PTPN2: variants seen among roughly 807,000 people sequenced by gnomAD.
PTPN2 encodes tyrosine-protein phosphatase non-receptor type 2.
Under a neutral mutation model 57.3 loss-of-function variants are expected in PTPN2, and 19 were observed. That is an observed-to-expected ratio of 0.33 (90% CI 0.23 to 0.49). The LOEUF (loss-of-function observed/expected upper bound fraction) is 0.49. Among genes scored for constraint, PTPN2 ranks in the 20% least tolerant of loss-of-function variants. The probability of loss-of-function intolerance (pLI) is 0.99; values close to 1 mark genes in which losing one functional copy is unlikely to be tolerated. For missense variants in PTPN2, 358 were observed against 501.1 expected (o/e 0.71, Z 2.73); for synonymous variants, 153 against 164.9 (o/e 0.93, Z 0.55).
At position 12,870,284 on chromosome 18, in the gene PTPN2, C is replaced by CATATATATATGTGTGTAT. The variant is rs1167445111; in HGVS notation, c.70-11031_70-11030insATACACACATATATATAT. Among the ~76,000 whole-genome samples the CATATATATATGTGTGTAT allele has an allele frequency of 1.9e-3, 119 of 63,598 alleles. 5 individuals carry two copies. Among genetic ancestry groups the CATATATATATGTGTGTAT allele is most frequent in the Non-Finnish European group, 2.6e-3 (101 of 39,306 alleles). 41.7% of individuals were successfully genotyped at this position (63,598 alleles called of 152,430 possible). ...ATATATATATATATGTATATATATA[C>CATATATATATGTGTGTAT]ATATACATATATATGTGTATATATA... is the stretch of plus-strand genomic sequence containing the variant. On this transcript the variant is annotated intron_variant, in intron 1 of 8. Coordinates refer to ENST00000309660, the MANE Select transcript of PTPN2 (RefSeq NM_002828.4).
chr18:12,866,880 C>T (rs921398918), intron 1 of PTPN2, among the ~76,000 whole-genome samples: 3 of 152,066 alleles, frequency 2.0e-5, no homozygotes, highest in South Asian at 4.2e-4. Flanking sequence ...TGGTGGGCAC[C>T]TGTAGTCCCA....
At chr18:12,801,445 T>C (rs2145247417) in intron 8 of PTPN2, among the ~76,000 whole-genome samples, 1 of 151,550 alleles carries the variant, frequency 6.6e-6, no homozygotes, top group East Asian at 1.9e-4. Context: ...ACCCAGGAGG[T>C]GGAGCAGCTA....
chr18:12,789,765 T>C (rs944508474), downstream of PTPN2, among the ~76,000 whole-genome samples: 4 of 152,208 alleles, frequency 2.6e-5, no homozygotes, highest in African/African-American at 7.2e-5. Flanking sequence ...CTAATGACAT[T>C]TGGCTTATAA....
At chr18:12,861,536 G>A (rs551755425) in intron 1 of PTPN2, among the ~76,000 whole-genome samples, 12 of 152,256 alleles carry the variant, frequency 7.9e-5, no homozygotes, top group East Asian at 3.9e-4. Context: ...TTGCATTGCC[G>A]TTCATGATAT....
intron 7 of PTPN2, among the ~76,000 whole-genome samples, chr18:12,804,820 T>C (rs2041581576): frequency 6.6e-6 from 1 of 152,160 alleles, no homozygotes; most frequent in Admixed American, 6.5e-5. Context: ...TACTAATTCC[T>C]TTCACACTAT....
downstream of PTPN2, among the ~76,000 whole-genome samples, chr18:12,790,493 A>C (rs16939862): frequency 0.014 from 2,177 of 152,284 alleles, 50 homozygotes; most frequent in African/African-American, 0.05. Flanking sequence ...CACATCTGAG[A>C]CTTTTCAAAG....
At chr18:12,861,178 A>T (rs1233279051) in intron 1 of PTPN2, among the ~76,000 whole-genome samples, 2 of 152,200 alleles carry the variant, frequency 1.3e-5, no homozygotes, top group African/African-American at 4.8e-5. Flanking sequence ...ATGATGCACA[A>T]ATTTCTAATA....
intron 2 of PTPN2, among the ~76,000 whole-genome samples, chr18:12,838,953 T>TA (rs2042958918): frequency 6.6e-6 from 1 of 151,580 alleles, no homozygotes; most frequent in African/African-American, 2.4e-5. Context: ...AATAAAACTT[T>TA]AAAATAAATT....
At chr18:12,821,381 A>AC (rs1348264766) in intron 5 of PTPN2, 1 of 152,232 alleles carries the variant, frequency 6.6e-6, no homozygotes, top group Non-Finnish European at 1.5e-5. Flanking sequence ...TCAATTGTAA[A>AC]ACTCAACACA....
intron 1 of PTPN2, among the ~76,000 whole-genome samples, chr18:12,881,527 C>G (rs8084203): frequency 0.035 from 5,327 of 152,280 alleles, 329 homozygotes; most frequent in African/African-American, 0.12. Context: ...TTAGTCTGAT[C>G]TAGGCTCTGC....
Position 12,884,196 on chromosome 18 carries a change from C to G in PTPN2, c.-55G>C, listed in dbSNP as rs2044783676. 2 of 1,439,186 alleles carry G rather than the reference C, an allele frequency of 1.4e-6. No homozygotes were observed. Among genetic ancestry groups the G allele is most frequent in the Admixed American group, 2.2e-5 (1 of 45,246 alleles). 89.2% of individuals were successfully genotyped at this position (1,439,186 alleles called of 1,614,324 possible). ...GCCTGCGCCGGCGGAGAGGCTCAGG[C>G]CCCGCACGATCCGGGGAGAGCGCTG... On this transcript the variant is annotated 5_prime_UTR_variant, in exon 1 of 9. Coordinates refer to ENST00000309660, the MANE Select transcript of PTPN2 (RefSeq NM_002828.4).
intron 7 of PTPN2, among the ~76,000 whole-genome samples, chr18:12,807,586 A>AAAAAAAAAAAAAAAAAAAAT: frequency 2.8e-5 from 1 of 35,198 alleles, no homozygotes; most frequent in Non-Finnish European, 6.1e-5. Flanking sequence ...AAAAAAAAAA[A>AAAAAAAAAAAAAAAAAAAAT]ATATATATAT....
rs2042452933 is a variant in PTPN2, at chr18:12,826,244, A to AC, written c.361-301_361-300insG. ...ATGGTGAAACCCTGTCTCTACTAAA[A>AC]ATACAAAAACTAGCTAGGCGCGATG... On this transcript the variant is annotated intron_variant, in intron 4 of 8. Coordinates refer to ENST00000309660, the MANE Select transcript of PTPN2 (RefSeq NM_002828.4). 2.0e-5 allele frequency among the ~76,000 whole-genome samples: 3 copies of AC among 152,132 alleles called. No homozygotes were observed. The South Asian group carries it at 6.2e-4, about 32-fold the overall frequency.
chr18:12,879,894 C>T (rs565787322), intron 1 of PTPN2, among the ~76,000 whole-genome samples: 1 of 152,318 alleles, frequency 6.6e-6, no homozygotes, highest in East Asian at 1.9e-4. Flanking sequence ...AGAAACATCA[C>T]CCACTGCTGT....
chr18:12,807,946 G>A (rs1170003791), intron 7 of PTPN2, among the ~76,000 whole-genome samples: 1 of 152,040 alleles, frequency 6.6e-6, no homozygotes, highest in Non-Finnish European at 1.5e-5. Flanking sequence ...CAGTTTGGGA[G>A]GCTAGGGCGG....
In PTPN2 at chr18:12,794,499, A is replaced by G; in HGVS notation, c.1041-14T>C. 1 of 1,609,976 alleles carries G rather than the reference A, an allele frequency of 6.2e-7. No homozygotes were observed. Among genetic ancestry groups the G allele is most frequent in the African/African-American group, 1.3e-5 (1 of 74,888 alleles). ...TTCCGTAGAGCACTATGAGGAAATA[A>G]AAACAAGTGAAAGGAAGTGCACACA... is the stretch of plus-strand genomic sequence containing the variant. On this transcript the variant is annotated splice_polypyrimidine_tract_variant and intron_variant, in intron 8 of 8. Coordinates refer to ENST00000309660, the MANE Select transcript of PTPN2 (RefSeq NM_002828.4).
At chr18:12,826,214 C>T (rs2042451060) in intron 4 of PTPN2, among the ~76,000 whole-genome samples, 1 of 152,108 alleles carries the variant, frequency 6.6e-6, no homozygotes, top group South Asian at 2.1e-4. Context: ...ACCAACCTGG[C>T]TAATATGGTG....
intron 2 of PTPN2, among the ~76,000 whole-genome samples, chr18:12,846,169 T>A (rs1032059643): frequency 6.6e-6 from 1 of 152,210 alleles, no homozygotes; most frequent in Non-Finnish European, 1.5e-5. Flanking sequence ...GATTCTGACA[T>A]GGTATATCTC....
chr18:12,831,120 G>A (rs2042653817), intron 3 of PTPN2, 79 bp from the exon 4 acceptor site: 1 of 945,622 alleles, frequency 1.1e-6, no homozygotes, highest in Admixed American at 1.9e-5. Context: ...TGTTAAGTCT[G>A]CTCCTGGGAT....
Sources: allele counts gnomAD v4.1 joint callset (sites outside exome capture counted in the v4.1 genomes callset), GRCh38; gene constraint gnomAD v4.1.1; transcripts MANE v1.5; gene names NCBI Gene and HGNC (gene_info 2026-07-23, HGNC 2026-07-21).